Variants in PSMC2 observed in about 807,000 individuals in gnomAD.
PSMC2 encodes the protein proteasome 26S subunit, ATPase 2.
A neutral mutation model predicts 53.3 loss-of-function variants in PSMC2; 7 were observed. That is an observed-to-expected ratio of 0.13 (90% CI 0.07 to 0.25). The LOEUF (loss-of-function observed/expected upper bound fraction) is 0.25. Ranked by LOEUF, PSMC2 falls within the 10% of genes least tolerant of loss-of-function variation. The pLI, the probability that PSMC2 is intolerant of heterozygous loss-of-function variation, is 1.00. For missense variants in PSMC2, 241 were observed against 544.0 expected, an observed-to-expected ratio of 0.44 and a Z score of 5.54; for synonymous variants, 169 against 183.9, an observed-to-expected ratio of 0.92 and a Z score of 0.66.
intron 1 of PSMC2, among the ~76,000 whole-genome samples, chr7:103,353,692 G>A (rs1417230424): frequency 1.7e-4 from 26 of 152,134 alleles, no homozygotes; most frequent in Admixed American, 1.7e-3. Context: ...TATAAAATAG[G>A]TCATCACGTA....
chr7:103,366,544 G>A (rs1182703739), intron 9 of PSMC2, among the ~76,000 whole-genome samples: 1 of 152,188 alleles, frequency 6.6e-6, no homozygotes, highest in Non-Finnish European at 1.5e-5. Flanking sequence ...CTTTTGTCAT[G>A]TTGGTGCTCA....
intron 1 of PSMC2, among the ~76,000 whole-genome samples, chr7:103,350,578 T>C (rs1819705236): frequency 6.6e-6 from 1 of 152,144 alleles, no homozygotes; most frequent in African/African-American, 2.4e-5. Context: ...GGCTGGGAAC[T>C]CCTGGGCTAA....
intron 4 of PSMC2, 59 bp downstream of exon 4, chr7:103,355,852 T>TA (rs1820002985): frequency 1.4e-5 from 17 of 1,239,482 alleles, no homozygotes; most frequent in African/African-American, 1.3e-4. Context: ...CACTTAATGT[T>TA]AGAGTCTCAG....
At chr7:103,364,970 TATATATATATA>T (rs1820624511) in intron 8 of PSMC2, among the ~76,000 whole-genome samples, 1 of 144,466 alleles carries the variant, frequency 6.9e-6, no homozygotes, top group Non-Finnish European at 1.5e-5. Context: ...TATATATATA[TATATATATATA>T]TATTTAGAGA....
rs1819865271 is a variant in PSMC2 at position 103,353,780 on chromosome 7, A to G, written c.71-141A>G. 9.9e-6 allele frequency: 7 copies of G among 707,638 alleles called. 1 individual carries two copies. Among genetic ancestry groups the G allele is most frequent in the South Asian group, 8.8e-5 (5 of 56,890 alleles). The allele number at this position is 707,638 out of a possible 1,614,324, so 43.8% of individuals were successfully genotyped here. On this transcript the variant is annotated intron_variant, in intron 1 of 11. Coordinates refer to ENST00000292644, the MANE Select transcript of PSMC2 (RefSeq NM_002803.4). ...GAGTCCAGGAACTATTTGATTGAAT[A>G]TGTATCATCATAATCTTGCTTGATT...
chr7:103,363,210 G>A (rs1820514924), intron 6 of PSMC2, 134 bp from the exon 7 acceptor site: 2 of 665,202 alleles, frequency 3.0e-6, no homozygotes, highest in South Asian at 4.1e-5. Context: ...CAGGGCACTG[G>A]GCAATGTATT....
intron 4 of PSMC2, among the ~76,000 whole-genome samples, chr7:103,360,150 AT>A (rs1398980678): frequency 2.6e-5 from 4 of 151,796 alleles, no homozygotes; most frequent in African/African-American, 4.8e-5. Context: ...CTATTGACTG[AT>A]TTTTTTCCCC....
intron 1 of PSMC2, chr7:103,352,712 TA>T: frequency 1.5e-6 from 1 of 667,106 alleles, no homozygotes; most frequent in Non-Finnish European, 2.8e-6. Context: ...TCTTAAATCC[TA>T]AAAACAACTC....
At chr7:103,355,649 T>C (rs1188396535) in intron 3 of PSMC2, 45 bp from the exon 4 acceptor site, 3 of 1,392,674 alleles carry the variant, frequency 2.2e-6, no homozygotes. Context: ...TATTATAGGG[T>C]GATGCATTAC....
intron 1 of PSMC2, among the ~76,000 whole-genome samples, chr7:103,352,216 A>T (rs868460699): frequency 7.9e-3 from 118 of 14,856 alleles, no homozygotes; most frequent in African/African-American, 0.072. Context: ...ATACTTAGTT[A>T]AAAAAAAAAA....
intron 1 of PSMC2, 90 bp downstream of exon 1, chr7:103,347,871 G>C: frequency 7.1e-7 from 1 of 1,402,780 alleles, no homozygotes; most frequent in Non-Finnish European, 1.0e-6. Context: ...CCCGCTCCTG[G>C]CTCTGTGCTC....
At chr7:103,354,760 G>T in intron 2 of PSMC2, 108 bp from the exon 3 acceptor site, 1 of 690,280 alleles carries the variant, frequency 1.4e-6, no homozygotes. Flanking sequence ...CACAAGCTTT[G>T]GGATAATGAT....
intron 1 of PSMC2, among the ~76,000 whole-genome samples, chr7:103,348,939 T>A (rs2116110613): frequency 6.6e-6 from 1 of 152,342 alleles, no homozygotes; most frequent in South Asian, 2.1e-4. Flanking sequence ...GAGTTCTGAT[T>A]TTGTAAGTGC....
Position 103,347,653 on chromosome 7 carries a change from C to T in PSMC2, c.-59C>T. ...GGGGAAGGGAAAGGGAAGACACCAC[C>T]GGAAGCAAGGAAGGTGCTGTGTAAT... On this transcript the variant is annotated 5_prime_UTR_variant, in exon 1 of 12. Transcript: ENST00000292644. 4 of 1,599,622 alleles carry T rather than the reference C, an allele frequency of 2.5e-6. No individual in the cohort carries two copies. Among genetic ancestry groups the T allele is most frequent in the Non-Finnish European group, 3.4e-6 (4 of 1,167,508 alleles).
At chr7:103,354,436 T>C (rs1269978776) in intron 2 of PSMC2, among the ~76,000 whole-genome samples, 1 of 151,312 alleles carries the variant, frequency 6.6e-6, no homozygotes, top group African/African-American at 2.4e-5. Context: ...TGGCGCGATC[T>C]TGGTTCACTG....
chr7:103,350,396 A>G (rs1819701210), intron 1 of PSMC2, among the ~76,000 whole-genome samples: 4 of 152,212 alleles, frequency 2.6e-5, no homozygotes, highest in Admixed American at 2.6e-4. Flanking sequence ...GAATTAGATA[A>G]TATCAATATG....
intron 2 of PSMC2, among the ~76,000 whole-genome samples, chr7:103,354,616 C>G (rs536584918): frequency 6.6e-6 from 1 of 151,960 alleles, no homozygotes; most frequent in African/African-American, 2.4e-5. Context: ...GTGATCCACC[C>G]GCCTCCGCCC....
In PSMC2 at chr7:103,362,727, C is replaced by T. The variant is rs1356678980; in HGVS notation, c.464C>T (p.Pro155Leu). Residue 155 changes from proline to leucine, a missense_variant, in exon 6 of 12, where the codon CCT becomes CTT. Physicochemically the swap from Pro to Leu is moderately conservative, Grantham distance 98. This residue lies in a region of PSMC2 where 75 missense variants were observed against 185.1 expected (regional missense o/e 0.41). Transcript: ENST00000292644. ...TATCAAATTCACATTCCATTGCCTC[C>T]TAAGATTGACCCAACAGTTACCATG... The part of the protein sequence containing the change: ...NKYQIHIPLP[P>L]KIDPTVTMMQ... 6 of 1,605,970 alleles carry T rather than the reference C, an allele frequency of 3.7e-6. No individual in the cohort carries two copies. Among genetic ancestry groups the T allele is most frequent in the Non-Finnish European group, 8.5e-7 (1 of 1,173,306 alleles).
rs771939160 is a variant in PSMC2 at position 103,367,743 on chromosome 7, C to T, written c.1078C>T (p.Arg360Cys). ...GACCCACATATTTAAGATTCACGCT[C>T]GTTCAATGAGTGTTGAAAGAGATAT... ...GRTHIFKIHA[R>C]SMSVERDIRF... Residue 360 changes from arginine to cysteine, a missense_variant, in exon 11 of 12, where the codon CGT becomes TGT. By Grantham distance (180) the Arg-to-Cys change is radical. Around this residue, in one of 6 missense-constraint regions of PSMC2, gnomAD observed 60 missense variants for 115.8 expected, o/e 0.52. Coordinates refer to ENST00000292644, the MANE Select transcript of PSMC2 (RefSeq NM_002803.4). This position sits in a 1 kb window ranked among gnomAD's most constrained non-coding sequence, Gnocchi z 6.1. The T allele has an allele frequency of 1.2e-5, 20 of 1,613,842 alleles. 1 individual carries two copies. The South Asian group carries it at 1.8e-4, about 14-fold the overall frequency.
Sources: gnomAD v4.1 joint callset for allele counts (sites outside exome capture counted in the v4.1 genomes callset) on GRCh38, gnomAD v4.1.1 for gene constraint, gnomAD v4.1.1 regional missense constraint, Gnocchi (gnomAD v3.1) non-coding constraint, MANE v1.5 for transcripts, NCBI Gene and HGNC (gene_info 2026-07-23, HGNC 2026-07-21) for gene names.